The following MUC7 variants were observed in gnomAD, a reference collection of about 807,000 sequenced individuals.
MUC7 encodes the protein mucin-7.
Under a neutral mutation model 2.5 loss-of-function variants are expected in MUC7, and 2 were observed. That is an observed-to-expected ratio of 0.81 (90% CI 0.33 to 2.55). MUC7 has a LOEUF of 2.55. Ranked by LOEUF, MUC7 falls within the 30% of genes most tolerant of loss-of-function variation. The pLI, the probability that MUC7 is intolerant of heterozygous loss-of-function variation, is 0.11. For synonymous variants in MUC7, 133 were observed against 173.4 expected, an observed-to-expected ratio of 0.77 and a Z score of 1.83; for missense variants, 408 against 455.6, an observed-to-expected ratio of 0.90 and a Z score of 0.95.
chr4:70,444,591 A>T (rs1363407878), intron 1 of MUC7, among the ~76,000 whole-genome samples: 1 of 152,162 alleles, frequency 6.6e-6, no homozygotes, highest in East Asian at 1.9e-4. Context: ...GCAATTGATG[A>T]TGCATCTTTT....
intron 1 of MUC7, among the ~76,000 whole-genome samples, chr4:70,451,482 G>T (rs901996759): frequency 6.6e-6 from 1 of 152,168 alleles, no homozygotes; most frequent in Non-Finnish European, 1.5e-5. Flanking sequence ...CAGTGTCCTT[G>T]TTGGGGGGTT....
intron 1 of MUC7, among the ~76,000 whole-genome samples, chr4:70,457,492 AAAG>A (rs1734443612): frequency 1.3e-5 from 2 of 152,128 alleles, no homozygotes; most frequent in African/African-American, 4.8e-5. Flanking sequence ...AAAACTAAGA[AAAG>A]AGAGAGAGGA....
rs115280948 is a variant in MUC7 at position 70,451,752 on chromosome 4, T to C, written c.-92-20463T>C. Among the ~76,000 whole-genome samples the C allele has an allele frequency of 7.5e-3, 1,141 of 152,316 alleles. 12 individuals carry two copies. The highest frequency in any genetic ancestry group is 0.026 in the African/African-American group (1,088 of 41,568). ...TGTTTTCTTCAGCCACTGAATTAAA[T>C]ATTCTGTAAATATGTATTAGGTCTA... On this transcript the variant is annotated intron_variant, in intron 1 of 3. Transcript: ENST00000413702.
intron 2 of MUC7, among the ~76,000 whole-genome samples, chr4:70,479,111 C>A (rs1735094618): frequency 1.3e-5 from 2 of 152,182 alleles, no homozygotes; most frequent in African/African-American, 4.8e-5. Flanking sequence ...TTTAGTCTGT[C>A]CTATGTCTGG....
chr4:70,470,192 G>A (rs536242108), upstream of MUC7, among the ~76,000 whole-genome samples: 1 of 152,176 alleles, frequency 6.6e-6, no homozygotes, highest in South Asian at 2.1e-4. Context: ...TCACTCACAA[G>A]TGGGAGTTAA....
At chr4:70,457,284 C>T (rs1734438602) in intron 1 of MUC7, among the ~76,000 whole-genome samples, 1 of 152,018 alleles carries the variant, frequency 6.6e-6, no homozygotes, top group Non-Finnish European at 1.5e-5. Context: ...TCGCTACATA[C>T]AATTTTTTTA....
At chr4:70,464,077 T>C (rs1005655114) in intron 1 of MUC7, among the ~76,000 whole-genome samples, 3 of 152,174 alleles carry the variant, frequency 2.0e-5, no homozygotes, top group Non-Finnish European at 4.4e-5. Context: ...ACTGGTTAGA[T>C]AGTGGGTGCA....
intron 1 of MUC7, among the ~76,000 whole-genome samples, chr4:70,461,025 G>A (rs1333957288): frequency 6.6e-6 from 1 of 152,162 alleles, no homozygotes; most frequent in East Asian, 1.9e-4. Flanking sequence ...GTGCAGTGAG[G>A]ATGTGGACCA....
At chr4:70,441,347 A>G (rs535545039) in intron 1 of MUC7, among the ~76,000 whole-genome samples, 2 of 152,294 alleles carry the variant, frequency 1.3e-5, no homozygotes, top group Non-Finnish European at 2.9e-5. Flanking sequence ...AAATGACCCA[A>G]AATGTTAGGA....
At chr4:70,461,319 T>G (rs1221283545) in intron 1 of MUC7, among the ~76,000 whole-genome samples, 1 of 152,228 alleles carries the variant, frequency 6.6e-6, no homozygotes, top group East Asian at 1.9e-4. Flanking sequence ...CAGTTTATCC[T>G]AGACAAATAA....
chr4:70,466,631 A>T (rs1361947296), intron 1 of MUC7, among the ~76,000 whole-genome samples: 1 of 152,182 alleles, frequency 6.6e-6, no homozygotes, highest in Admixed American at 6.5e-5. Context: ...GATAAAACAG[A>T]CTTTAAACCA....
chr4:70,458,484 G>A (rs2109723530), intron 1 of MUC7, among the ~76,000 whole-genome samples: 1 of 152,094 alleles, frequency 6.6e-6, no homozygotes, highest in South Asian at 2.1e-4. Flanking sequence ...TTAGTTACAT[G>A]TGCATTGTAT....
At chr4:70,458,784 T>C (rs1734472755) in intron 1 of MUC7, among the ~76,000 whole-genome samples, 2 of 152,012 alleles carry the variant, frequency 1.3e-5, no homozygotes, top group African/African-American at 4.8e-5. Flanking sequence ...AAAATACAAC[T>C]GCATGCTATT....
At chr4:70,437,286 T>A (rs955603428) in intron 1 of MUC7, among the ~76,000 whole-genome samples, 1 of 152,160 alleles carries the variant, frequency 6.6e-6, no homozygotes, top group African/African-American at 2.4e-5. Flanking sequence ...CTGCCTTTTG[T>A]TCAAGTATGC....
At chr4:70,462,591 TAAAG>T (rs1734583777) in intron 1 of MUC7, among the ~76,000 whole-genome samples, 1 of 152,102 alleles carries the variant, frequency 6.6e-6, no homozygotes, top group Non-Finnish European at 1.5e-5. Context: ...TAGTAGCAAA[TAAAG>T]AAGGAAAGAA....
At chr4:70,439,178 TG>T (rs1733940671) in intron 1 of MUC7, among the ~76,000 whole-genome samples, 1 of 152,198 alleles carries the variant, frequency 6.6e-6, no homozygotes, top group Admixed American at 6.5e-5. Flanking sequence ...TCATTTAAGC[TG>T]AATAAAAAGA....
intron 1 of MUC7, among the ~76,000 whole-genome samples, chr4:70,439,939 C>G (rs951962116): frequency 1.3e-5 from 2 of 151,952 alleles, no homozygotes; most frequent in Non-Finnish European, 2.9e-5. Context: ...AAAACTATGA[C>G]CAGAAACTCT....
chr4:70,478,265 T>G lies in MUC7; in HGVS notation c.55-2534T>G, dbSNP rs145685065. ...TTTTAAATGTTAATACTTTATTCAA[T>G]AACAAATTAGTTATTGTTATCATTT... On this transcript the variant is annotated intron_variant, in intron 2 of 2. Coordinates refer to ENST00000304887, the MANE Select transcript of MUC7 (RefSeq NM_152291.3). Among the ~76,000 whole-genome samples, 1,048 of 152,324 alleles carry G rather than the reference T, an allele frequency of 6.9e-3. 2 individuals are homozygous for G. The highest frequency in any genetic ancestry group is 0.011 in the Non-Finnish European group (759 of 68,028).
At chr4:70,436,807 G>C (rs1394550894) in intron 1 of MUC7, among the ~76,000 whole-genome samples, 2 of 152,156 alleles carry the variant, frequency 1.3e-5, no homozygotes, top group African/African-American at 2.4e-5. Flanking sequence ...CAGCTTTTCT[G>C]TTCTGGTTTC....
Sources: gnomAD v4.1 joint callset for allele counts (sites outside exome capture counted in the v4.1 genomes callset) on GRCh38, gnomAD v4.1.1 for gene constraint, MANE v1.5 for transcripts, NCBI Gene and HGNC (gene_info 2026-07-23, HGNC 2026-07-21) for gene names.